The following HMCN2 variants were observed in gnomAD, a reference collection of about 807,000 sequenced individuals.
HMCN2 encodes the protein hemicentin 2.
In HMCN2, 325 loss-of-function variants were observed where a neutral mutation model predicts 377.5. The ratio of observed to expected loss-of-function variants is 0.86; its 90% CI spans 0.79 to 0.94. The LOEUF is 0.94. Ranked by LOEUF, HMCN2 falls within the 40% of genes least tolerant of loss-of-function variation. The pLI is 0.00. For synonymous variants in HMCN2, 2,007 were observed against 2,046.8 expected (o/e 0.98, Z 0.53); for missense variants, 4,543 against 4,725.3 (o/e 0.96, Z 1.13).
chr9:130,367,004 G>A (rs1217434452), intron 43 of HMCN2, among the ~76,000 whole-genome samples: 1 of 152,094 alleles, frequency 6.6e-6, no homozygotes, highest in East Asian at 1.9e-4. Flanking sequence ...TCGACCAAGC[G>A]GACTTGAAAA....
Position 130,369,857 on chromosome 9 carries a change from G to T in HMCN2, c.7069+6G>T. The stretch of plus-strand genomic sequence containing the variant: ...GTTTGAGCTCTCCGTACTGGGTGAG[G>T]ACCGGCAGCTGCTGGAGGAGTTGGG... On this transcript the variant is annotated splice_donor_region_variant and intron_variant, in intron 45 of 97. Transcript: ENST00000683500. This position sits in a 1 kb window ranked among gnomAD's most constrained non-coding sequence, Gnocchi z 4.5. The T allele has an allele frequency of 1.0e-6, 1 of 986,048 alleles. No individual in the cohort carries two copies. Among genetic ancestry groups the T allele is most frequent in the Non-Finnish European group, 1.2e-6 (1 of 830,342 alleles). 61.1% of individuals were successfully genotyped at this position (986,048 alleles called of 1,614,324 possible).
At chr9:130,391,855 A>G in intron 65 of HMCN2, 80 bp from the exon 66 acceptor site, 2 of 860,802 alleles carry the variant, frequency 2.3e-6, no homozygotes, top group Non-Finnish European at 2.8e-6. Flanking sequence ...CCAGGTCTCC[A>G]CTTCTGGGAT....
chr9:130,379,137 C>T (rs1211938981), intron 53 of HMCN2, 112 bp from the exon 54 acceptor site: 1 of 226,728 alleles, frequency 4.4e-6, no homozygotes, highest in Admixed American at 6.5e-5. Flanking sequence ...AAGGGAATGG[C>T]TCAAGTAATG....
chr9:130,315,645 G>C (rs1229800766), intron 15 of HMCN2, among the ~76,000 whole-genome samples: 1 of 151,558 alleles, frequency 6.6e-6, no homozygotes, highest in Non-Finnish European at 1.5e-5. Flanking sequence ...GGTCAGCTCA[G>C]GTTGCCATGA....
rs1355609996 is a variant in HMCN2 at position 130,428,540 on chromosome 9, T to C, written c.14197+51T>C. 3.3e-6 allele frequency: 5 copies of C among 1,530,210 alleles called. No individual in the cohort carries two copies. The East Asian group carries it at 1.2e-4, about 38-fold the overall frequency. 94.8% of individuals were successfully genotyped at this position (1,530,210 alleles called of 1,614,324 possible). On this transcript the variant is annotated intron_variant, in intron 93 of 97. Transcript: ENST00000683500. This position sits in a 1 kb window ranked among gnomAD's most constrained non-coding sequence, Gnocchi z 5.0. ...GTCCATACTCCTGGAAACCCAGAGG[T>C]TGCCAGGGATCAGCTGACAGGGGGC...
chr9:130,277,474 G>T (rs946901906), intron 1 of HMCN2, among the ~76,000 whole-genome samples: 4 of 152,188 alleles, frequency 2.6e-5, no homozygotes, highest in Admixed American at 6.5e-5. Flanking sequence ...ACCTAGACTG[G>T]ACTCTCATTT....
chr9:130,406,366 C>A, intron 82 of HMCN2, 198 bp downstream of exon 82: 1 of 379,660 alleles, frequency 2.6e-6, no homozygotes, highest in Non-Finnish European at 5.0e-6. Flanking sequence ...AGCCATATAT[C>A]AGAGCTGGCA....
intron 18 of HMCN2, among the ~76,000 whole-genome samples, chr9:130,321,375 A>G (rs1267324912): frequency 6.6e-6 from 1 of 151,842 alleles, no homozygotes; most frequent in African/African-American, 2.4e-5. Context: ...GCCCTCTCCT[A>G]TTGACTCTTT....
intron 22 of HMCN2, among the ~76,000 whole-genome samples, chr9:130,331,601 C>T (rs1458623154): frequency 6.6e-6 from 1 of 151,952 alleles, no homozygotes; most frequent in Non-Finnish European, 1.5e-5. Flanking sequence ...CAAACAAGAC[C>T]CTTCCCCTCT....
chr9:130,426,176 C>A (rs1844350718), intron 90 of HMCN2, among the ~76,000 whole-genome samples: 1 of 152,114 alleles, frequency 6.6e-6, no homozygotes, highest in Non-Finnish European at 1.5e-5. Context: ...TTTCCCCAGG[C>A]CCCAGGGTGA....
At chr9:130,374,064 G>A (rs183041592) in intron 48 of HMCN2, among the ~76,000 whole-genome samples, 1 of 151,684 alleles carries the variant, frequency 6.6e-6, no homozygotes, top group African/African-American at 2.4e-5. Context: ...AGTTGGGTAG[G>A]TAGATGAATG....
At chr9:130,323,911 A>G (rs1054853093) in intron 19 of HMCN2, among the ~76,000 whole-genome samples, 2 of 152,204 alleles carry the variant, frequency 1.3e-5, no homozygotes, top group African/African-American at 2.4e-5. Context: ...CATGTTGGCC[A>G]GGCTGGTCTC....
chr9:130,285,201 C>A lies in HMCN2; in HGVS notation c.374C>A (p.Ala125Asp), dbSNP rs1554927209. The A allele has an allele frequency of 2.1e-6, 1 of 471,130 alleles. No homozygotes were observed. 29.2% of individuals were successfully genotyped at this position (471,130 alleles called of 1,614,324 possible). The change falls in exon 3 of 98, where the codon GCT (alanine) becomes GAT (aspartate). Residue 125 changes from alanine (A) to aspartate (D), a missense_variant. By Grantham distance (126) the Ala-to-Asp change is moderately radical (BLOSUM62 -2). This residue lies in a region of HMCN2 where 547 missense variants were observed against 189.9 expected (regional missense o/e 2.88). Transcript: ENST00000683500. ...GAGATGAGTGTGGGGGCCATTAAGG[C>A]TGCCGTGGAGGTTGCCAACCCCGGA... Reference protein sequence around the residue: ...CPEMSVGAIKAAVEVANPGSF... With the variant: ...CPEMSVGAIKDAVEVANPGSF...
At chr9:130,318,904 C>G (rs1260656008) in intron 15 of HMCN2, among the ~76,000 whole-genome samples, 2 of 152,218 alleles carry the variant, frequency 1.3e-5, no homozygotes, top group East Asian at 3.8e-4. Context: ...TCCCCCCCGA[C>G]GCTGGCTGTT....
chr9:130,361,467 T>A lies in HMCN2; in HGVS notation c.5951-541T>A, dbSNP rs1840382013. 6.6e-6 allele frequency among the ~76,000 whole-genome samples: 1 copy of A among 152,176 alleles called. No homozygotes were observed. The highest frequency in any genetic ancestry group is 2.1e-4 in the South Asian group (1 of 4,834). ...GGCCAGGATGGTGCTGGTGGCCATA[T>A]GGAGGCTGGACCTCTTGGGCCTCAT... is the stretch of plus-strand genomic sequence containing the variant. On this transcript the variant is annotated intron_variant, in intron 38 of 97. Transcript: ENST00000683500. This position sits in a 1 kb window ranked among gnomAD's most constrained non-coding sequence, Gnocchi z 4.8.
intron 19 of HMCN2, among the ~76,000 whole-genome samples, chr9:130,324,505 A>C: frequency 6.6e-6 from 1 of 151,848 alleles, no homozygotes; most frequent in Non-Finnish European, 1.5e-5. Context: ...CGTTGTTAGC[A>C]CTGAAGACAC....
At chr9:130,295,919 G>T (rs1836123274) in intron 6 of HMCN2, 147 bp downstream of exon 6, 2 of 363,446 alleles carry the variant, frequency 5.5e-6, no homozygotes, top group African/African-American at 2.1e-5. Flanking sequence ...TAGAAGTAAC[G>T]GGTCAAGGAC....
chr9:130,275,949 G>A (rs1293357239), intron 1 of HMCN2, among the ~76,000 whole-genome samples: 6 of 152,034 alleles, frequency 3.9e-5, no homozygotes, highest in African/African-American at 4.8e-5. Flanking sequence ...ATGGGTTGGC[G>A]GGGAGTGGCC....
intron 39 of HMCN2, among the ~76,000 whole-genome samples, 173 bp from the exon 40 acceptor site, chr9:130,362,694 C>T (rs945463385): frequency 2.6e-5 from 4 of 152,200 alleles, no homozygotes; most frequent in Non-Finnish European, 4.4e-5. Flanking sequence ...GGCAGAGGTC[C>T]GGAGGCCCAG....
Sources: gnomAD v4.1 joint callset for allele counts (sites outside exome capture counted in the v4.1 genomes callset) on GRCh38, gnomAD v4.1.1 for gene constraint, gnomAD v4.1.1 regional missense constraint, Gnocchi (gnomAD v3.1) non-coding constraint, MANE v1.5 for transcripts, NCBI Gene and HGNC (gene_info 2026-07-23, HGNC 2026-07-21) for gene names.